NRP2: variants seen among roughly 807,000 people sequenced by gnomAD.
NRP2 encodes neuropilin-2.
NRP2 carries 52 observed loss-of-function variants against 110.4 expected under a neutral mutation model. The observed-to-expected ratio is 0.47, with a 90% CI of 0.38 to 0.59. NRP2 has a LOEUF of 0.59. Among genes scored for constraint, NRP2 ranks in the 20% least tolerant of loss-of-function variants. NRP2 has a pLI of 0.00. For missense variants in NRP2, 1,049 were observed against 1,203.0 expected (o/e 0.87, Z 1.89); for synonymous variants, 508 against 468.9 (o/e 1.08, Z -1.08).
chr2:205,748,103 GCCCTGC>G (rs1431485168), intron 10 of NRP2, among the ~76,000 whole-genome samples: 2 of 151,994 alleles, frequency 1.3e-5, no homozygotes, highest in Non-Finnish European at 2.9e-5. Flanking sequence ...TCATTTACAC[GCCCTGC>G]CCTCCGGTGC....
chr2:205,696,239 A>G (rs1307620418), intron 1 of NRP2, among the ~76,000 whole-genome samples: 3 of 152,192 alleles, frequency 2.0e-5, no homozygotes, highest in African/African-American at 7.2e-5. Flanking sequence ...ATGCCAACAG[A>G]CATGGGGAAT....
chr2:205,790,772 C>A (rs2058292123), intron 15 of NRP2, among the ~76,000 whole-genome samples: 1 of 151,886 alleles, frequency 6.6e-6, no homozygotes, highest in Non-Finnish European at 1.5e-5. Flanking sequence ...TCCAAGGAAA[C>A]AACCTGCTCT....
At chr2:205,780,182 A>G (rs2058158287) in intron 15 of NRP2, among the ~76,000 whole-genome samples, 2 of 152,310 alleles carry the variant, frequency 1.3e-5, no homozygotes, top group Admixed American at 1.3e-4. Context: ...AGGGATGTGA[A>G]TCTCCCATTT....
At chr2:205,738,980 C>T (rs1489521230) in intron 7 of NRP2, among the ~76,000 whole-genome samples, 1 of 152,160 alleles carries the variant, frequency 6.6e-6, no homozygotes, top group African/African-American at 2.4e-5. Flanking sequence ...TTAACCTTAG[C>T]AAGCAGGAAA....
chr2:205,777,858 A>T (rs1001737504), intron 15 of NRP2: 1 of 152,218 alleles, frequency 6.6e-6, no homozygotes, highest in Non-Finnish European at 1.5e-5. Context: ...CATTCATGGC[A>T]TCTGGCAAAT....
chr2:205,684,730 A>T (rs915549403), intron 1 of NRP2, among the ~76,000 whole-genome samples: 7 of 152,188 alleles, frequency 4.6e-5, no homozygotes, highest in Admixed American at 4.6e-4. Context: ...TGGGGGTCCC[A>T]CTTGGGGAGA....
intron 2 of NRP2, among the ~76,000 whole-genome samples, chr2:205,705,371 G>A (rs1164960443): frequency 6.6e-6 from 1 of 151,916 alleles, no homozygotes; most frequent in African/African-American, 2.4e-5. Context: ...ATGTTAGCTG[G>A]GTCAAAATAA....
rs753299912 is a variant in NRP2 at position 205,723,738 on chromosome 2, T to C, written c.665-47T>C. ...AAGGGAAAACGGAGTGAAAACCAAG[T>C]TTGACATTTTGATTTCCACTGACTT... On this transcript the variant is annotated intron_variant, in intron 4 of 16. Transcript: ENST00000357785. 93 of 1,607,342 alleles carry C rather than the reference T, an allele frequency of 5.8e-5. No individual in the cohort carries two copies. The South Asian group carries it at 9.6e-4, about 17-fold the overall frequency.
chr2:205,689,984 G>A (rs969435930), intron 1 of NRP2, among the ~76,000 whole-genome samples: 3 of 152,166 alleles, frequency 2.0e-5, no homozygotes, highest in Non-Finnish European at 4.4e-5. Flanking sequence ...AGGAGGGGCT[G>A]GGAATAACAA....
At chr2:205,787,718 CTG>C (rs60558986) in intron 15 of NRP2, among the ~76,000 whole-genome samples, 76,917 of 143,716 alleles carry the variant, frequency 0.54, 20,910 homozygotes, top group Non-Finnish European at 0.6. Flanking sequence ...AAAAAAGTGT[CTG>C]TGTGTGTGTG....
At chr2:205,683,447 C>A in intron 1 of NRP2, 84 bp downstream of exon 1, 3 of 962,622 alleles carry the variant, frequency 3.1e-6, no homozygotes, top group Non-Finnish European at 1.7e-6. Flanking sequence ...CCACGCAGAA[C>A]GGCACAGAAG....
chr2:205,788,880 A>G (rs1418344828), intron 15 of NRP2, among the ~76,000 whole-genome samples: 2 of 152,200 alleles, frequency 1.3e-5, no homozygotes, highest in African/African-American at 4.8e-5. Context: ...CTGGGCATGC[A>G]GTGAGCCCTC....
At chr2:205,720,536 G>A (rs2056990077) in intron 3 of NRP2, among the ~76,000 whole-genome samples, 1 of 152,072 alleles carries the variant, frequency 6.6e-6, no homozygotes. Context: ...GCTCTAAGAG[G>A]GCATGTCAGG....
intron 1 of NRP2, among the ~76,000 whole-genome samples, chr2:205,687,807 T>C (rs1018281579): frequency 5.3e-5 from 8 of 152,132 alleles, no homozygotes; most frequent in Non-Finnish European, 8.8e-5. Context: ...CCAGTTCCTA[T>C]CTTCCAGGCA....
chr2:205,696,991 T>C (rs768663503), intron 1 of NRP2, among the ~76,000 whole-genome samples: 3 of 152,232 alleles, frequency 2.0e-5, no homozygotes, highest in Non-Finnish European at 2.9e-5. Context: ...GGGCCTGTTC[T>C]GGCCCAAAGC....
chr2:205,792,574 G>A (rs962565564), intron 16 of NRP2, among the ~76,000 whole-genome samples: 2 of 152,220 alleles, frequency 1.3e-5, no homozygotes, highest in Non-Finnish European at 2.9e-5. Context: ...CTTTACAAGT[G>A]AAAGATCAGC....
intron 12 of NRP2, chr2:205,756,396 C>T (rs2057735368): frequency 6.6e-6 from 1 of 152,172 alleles, no homozygotes. Context: ...TGAGAATGAT[C>T]AAAGCCCAGC....
chr2:205,746,975 C>T (rs1367219632), intron 10 of NRP2, among the ~76,000 whole-genome samples: 1 of 152,136 alleles, frequency 6.6e-6, no homozygotes, highest in Non-Finnish European at 1.5e-5. Flanking sequence ...CTTAACTCCC[C>T]ATTACCTGGG....
intron 1 of NRP2, among the ~76,000 whole-genome samples, chr2:205,693,960 CA>C (rs1312892247): frequency 6.6e-6 from 1 of 152,188 alleles, no homozygotes; most frequent in African/African-American, 2.4e-5. Context: ...AAAACAATGC[CA>C]ACTACATTTT....
Sources: gnomAD v4.1 joint callset for allele counts (sites outside exome capture counted in the v4.1 genomes callset) on GRCh38, gnomAD v4.1.1 for gene constraint, MANE v1.5 for transcripts, NCBI Gene and HGNC (gene_info 2026-07-23, HGNC 2026-07-21) for gene names.